The following GFOD1 variants were observed in gnomAD, a reference collection of about 807,000 sequenced individuals.
GFOD1 encodes glucose-fructose oxidoreductase domain-containing protein 1.
In GFOD1, 9 loss-of-function variants were observed where a neutral mutation model predicts 25.4. The ratio of observed to expected loss-of-function variants is 0.35; its 90% confidence interval spans 0.21 to 0.62. GFOD1 has a LOEUF of 0.62. GFOD1 is among the 20% of genes least tolerant of loss of function. GFOD1 has a pLI of 0.72. For missense variants in GFOD1, 403 were observed against 556.9 expected (o/e 0.72, Z 2.78); for synonymous variants, 253 against 245.6 (o/e 1.03, Z -0.28).
In GFOD1 at chr6:13,363,372, T is replaced by C. The variant is rs1784977282; in HGVS notation, c.*1371A>G. The C allele has an allele frequency of 1.3e-5, 2 of 152,108 alleles. No homozygotes were observed. The highest frequency in any genetic ancestry group is 4.1e-4 in the South Asian group (2 of 4,828). 9.4% of individuals were successfully genotyped at this position (152,108 alleles called of 1,614,324 possible). A position where few individuals can be genotyped will look rare whatever the true frequency, so the allele number is the denominator to read the frequency against. The stretch of plus-strand genomic sequence containing the variant: ...AGACAGCAGACCAATTAGAAGAACA[T>C]GTTTTTTCCAACATTAGCCTTTTCA... On this transcript the variant is annotated 3_prime_UTR_variant, in exon 2 of 2. Coordinates refer to ENST00000379287, the MANE Select transcript of GFOD1 (RefSeq NM_018988.4).
chr6:13,393,342 C>T (rs1048705153), intron 1 of GFOD1, among the ~76,000 whole-genome samples: 13 of 118,394 alleles, frequency 1.1e-4, no homozygotes, highest in Non-Finnish European at 4.9e-5. Context: ...AGGAACAGAG[C>T]GAGACCCCAT....
intron 1 of GFOD1, among the ~76,000 whole-genome samples, chr6:13,424,585 G>A (rs1405083277): frequency 1.3e-5 from 2 of 152,112 alleles, no homozygotes; most frequent in East Asian, 1.9e-4. Context: ...ATACCCACAC[G>A]CTCTTAAGGA....
intron 1 of GFOD1, among the ~76,000 whole-genome samples, chr6:13,459,903 G>A (rs1758263164): frequency 6.6e-6 from 1 of 152,240 alleles, no homozygotes; most frequent in Non-Finnish European, 1.5e-5. Context: ...GGAGGCTGAG[G>A]TGGGCAGATC....
At chr6:13,395,219 A>C (rs1380275340) in intron 1 of GFOD1, among the ~76,000 whole-genome samples, 1 of 152,218 alleles carries the variant, frequency 6.6e-6, no homozygotes, top group Admixed American at 6.5e-5. Flanking sequence ...AAAATGAAAA[A>C]ATTGCCCTCA....
intron 1 of GFOD1, among the ~76,000 whole-genome samples, chr6:13,400,533 C>T (rs1463990851): frequency 2.6e-5 from 4 of 152,230 alleles, no homozygotes; most frequent in East Asian, 1.9e-4. Context: ...GTAGAACCTC[C>T]GTTTCGAGTT....
At chr6:13,386,765 A>G (rs78410077) in intron 1 of GFOD1, among the ~76,000 whole-genome samples, 3,740 of 152,288 alleles carry the variant, frequency 0.025, 71 homozygotes, top group Non-Finnish European at 0.036. Context: ...CTCAGCCACC[A>G]TCTGTGTGGC....
intron 1 of GFOD1, among the ~76,000 whole-genome samples, chr6:13,453,428 C>A (rs147268686): frequency 1.3e-5 from 2 of 152,152 alleles, no homozygotes; most frequent in African/African-American, 2.4e-5. Context: ...TGAATAAATG[C>A]GGTTTCAAAG....
At chr6:13,469,563 A>G in intron 1 of GFOD1, 1 of 1,055,940 alleles carries the variant, frequency 9.5e-7, no homozygotes, top group Non-Finnish European at 1.1e-6. Context: ...TAAGCTTTGG[A>G]GTCAAGCAAA....
At chr6:13,409,088 G>A (rs938676341) in intron 1 of GFOD1, among the ~76,000 whole-genome samples, 1 of 36,672 alleles carries the variant, frequency 2.7e-5, no homozygotes, top group African/African-American at 9.9e-5. Flanking sequence ...CCATCAGAAA[G>A]GAAAGAAAGA....
At chr6:13,396,429 A>T (rs997918364) in intron 1 of GFOD1, among the ~76,000 whole-genome samples, 1 of 152,198 alleles carries the variant, frequency 6.6e-6, no homozygotes, top group Non-Finnish European at 1.5e-5. Flanking sequence ...CTGTGCCCAT[A>T]GCATCATCAC....
chr6:13,476,604 TA>T (rs1163000576), intron 1 of GFOD1, among the ~76,000 whole-genome samples: 8 of 152,230 alleles, frequency 5.3e-5, no homozygotes, highest in Non-Finnish European at 1.2e-4. Flanking sequence ...TCAATAAAGT[TA>T]TTTTTTTAAA....
chr6:13,358,164 T>C lies in GFOD1; in HGVS notation c.*6579A>G, dbSNP rs1322126700. The C allele has an allele frequency of 6.6e-6, 1 of 152,132 alleles. No homozygotes were observed. The highest frequency in any genetic ancestry group is 1.9e-4 in the East Asian group (1 of 5,198). 9.4% of individuals were successfully genotyped at this position (152,132 alleles called of 1,614,324 possible). On this transcript the variant is annotated 3_prime_UTR_variant, in exon 2 of 2. Coordinates refer to ENST00000379287, the MANE Select transcript of GFOD1 (RefSeq NM_018988.4). The stretch of plus-strand genomic sequence containing the variant: ...AATAATAAAAAAGAAAACCAAAACC[T>C]CCTATAATTTATAAGCTATGTTTGA...
intron 1 of GFOD1, among the ~76,000 whole-genome samples, chr6:13,376,511 C>T (rs1406907561): frequency 2.6e-5 from 4 of 152,090 alleles, no homozygotes; most frequent in Admixed American, 2.6e-4. Flanking sequence ...CACACTACCC[C>T]CATAGAAAGA....
At chr6:13,415,366 C>G (rs1364448406) in intron 1 of GFOD1, among the ~76,000 whole-genome samples, 1 of 152,164 alleles carries the variant, frequency 6.6e-6, no homozygotes, top group Non-Finnish European at 1.5e-5. Flanking sequence ...CATCAATGTC[C>G]CTTCTGAGGG....
intron 1 of GFOD1, among the ~76,000 whole-genome samples, chr6:13,368,304 C>T (rs1375061692): frequency 1.3e-5 from 2 of 152,200 alleles, no homozygotes; most frequent in Non-Finnish European, 2.9e-5. Flanking sequence ...GGGCTGGTGC[C>T]CCTGATGGCC....
At chr6:13,428,099 G>A (rs1051520576) in intron 1 of GFOD1, among the ~76,000 whole-genome samples, 2 of 152,166 alleles carry the variant, frequency 1.3e-5, no homozygotes, top group African/African-American at 2.4e-5. Flanking sequence ...AAGCATCCTG[G>A]GCACCACAGA....
Position 13,360,335 on chromosome 6 carries a change from A to T in GFOD1, c.*4408T>A. On this transcript the variant is annotated 3_prime_UTR_variant, in exon 2 of 2. Coordinates refer to ENST00000379287, the MANE Select transcript of GFOD1 (RefSeq NM_018988.4). ...ACCAGAATGCAAGAGATCAGATCAG[A>T]AACCCAACTTATGATCACAGGCCAA... 1 of 270,716 alleles carries T rather than the reference A, an allele frequency of 3.7e-6. No individual in the cohort carries two copies. The highest frequency in any genetic ancestry group is 7.3e-6 in the Non-Finnish European group (1 of 136,566). 16.8% of individuals were successfully genotyped at this position (270,716 alleles called of 1,614,324 possible). A position where few individuals can be genotyped will look rare whatever the true frequency, so the allele number is the denominator to read the frequency against.
At position 13,359,032 on chromosome 6, in the gene GFOD1, C is replaced by T. The variant is rs2127553020; in HGVS notation, c.*5711G>A. The stretch of plus-strand genomic sequence containing the variant: ...TCCACTCCTGAGACAGTACCGGCTT[C>T]ACCTCCAGATGCCACTGGGAACACT... On this transcript the variant is annotated 3_prime_UTR_variant, in exon 2 of 2. Transcript: ENST00000379287. 1.3e-5 allele frequency: 2 copies of T among 152,466 alleles called. No individual in the cohort carries two copies. Among genetic ancestry groups the T allele is most frequent in the Middle Eastern group, 3.4e-3 (1 of 296 alleles). 9.4% of individuals were successfully genotyped at this position (152,466 alleles called of 1,614,324 possible).
chr6:13,470,075 G>C, intron 1 of GFOD1: 1 of 1,392,144 alleles, frequency 7.2e-7, no homozygotes, highest in Non-Finnish European at 9.6e-7. Flanking sequence ...AAATGGGTGA[G>C]GAATACAGAT....
Sources: allele counts gnomAD v4.1 joint callset (sites outside exome capture counted in the v4.1 genomes callset), GRCh38; gene constraint gnomAD v4.1.1; transcripts MANE v1.5; gene names NCBI Gene and HGNC (gene_info 2026-07-23, HGNC 2026-07-21).